METTL15: variants seen among roughly 807,000 people sequenced by gnomAD.
The protein encoded by METTL15 is methyltransferase 15, mitochondrial 12S rRNA N4-cytidine.
In METTL15, 34 loss-of-function variants were observed where a neutral mutation model predicts 38.3. The ratio of observed to expected loss-of-function variants is 0.89; its 90% CI spans 0.68 to 1.18. METTL15 has a LOEUF of 1.18. METTL15 is among the 50% of genes most tolerant of loss of function. METTL15 has a pLI of 0.00. For missense variants in METTL15, 438 were observed against 498.4 expected (o/e 0.88, Z 1.15); for synonymous variants, 162 against 170.9 (o/e 0.95, Z 0.41).
chr11:28,391,223 C>G (rs550063129), intron 5 of METTL15, among the ~76,000 whole-genome samples: 2 of 152,132 alleles, frequency 1.3e-5, no homozygotes, highest in South Asian at 2.1e-4. Flanking sequence ...CCCTTTATTT[C>G]CTTCTCCTGC....
intron 3 of METTL15, among the ~76,000 whole-genome samples, chr11:28,210,639 A>G (rs1415265420): frequency 1.3e-5 from 2 of 151,794 alleles, no homozygotes; most frequent in East Asian, 1.9e-4. Flanking sequence ...CTTGAGTATC[A>G]TTTTCATAGA....
At chr11:28,313,041 A>G (rs10767712) in intron 6 of METTL15, among the ~76,000 whole-genome samples, 69,611 of 150,572 alleles carry the variant, frequency 0.46, 17,627 homozygotes, top group Admixed American at 0.56. Context: ...TCTGTTTTCT[A>G]TTGTATCACT....
intron 6 of METTL15, among the ~76,000 whole-genome samples, chr11:28,479,089 GTGTGTGTT>G (rs1326960783): frequency 7.4e-6 from 1 of 134,632 alleles, no homozygotes; most frequent in Admixed American, 7.9e-5. Flanking sequence ...GTGTGTGTGT[GTGTGTGTT>G]TGCTTTTGTA....
chr11:28,284,161 A>C (rs1335850056), intron 4 of METTL15, among the ~76,000 whole-genome samples: 1 of 152,190 alleles, frequency 6.6e-6, no homozygotes, highest in Non-Finnish European at 1.5e-5. Flanking sequence ...GTAGCATCAG[A>C]AAACTCTGTC....
chr11:28,523,506 T>A (rs1284196589), intron 6 of METTL15, among the ~76,000 whole-genome samples: 1 of 152,184 alleles, frequency 6.6e-6, no homozygotes, highest in East Asian at 1.9e-4. Flanking sequence ...AACACCAGCA[T>A]TGGACTATTA....
intron 4 of METTL15, among the ~76,000 whole-genome samples, chr11:28,286,285 C>T (rs1856259163): frequency 6.6e-6 from 1 of 152,088 alleles, no homozygotes; most frequent in African/African-American, 2.4e-5. Context: ...TAATTAAAGT[C>T]AGTTGATTGT....
At chr11:28,165,395 T>C (rs1210106863) in intron 3 of METTL15, among the ~76,000 whole-genome samples, 1 of 152,194 alleles carries the variant, frequency 6.6e-6, no homozygotes, top group Non-Finnish European at 1.5e-5. Context: ...TAAGGTGATA[T>C]CTCACTGTAA....
intron 3 of METTL15, among the ~76,000 whole-genome samples, chr11:28,349,214 A>G (rs1490907043): frequency 6.6e-6 from 1 of 152,108 alleles, no homozygotes; most frequent in Non-Finnish European, 1.5e-5. Flanking sequence ...ATAGTGAAAA[A>G]CCTGGTTCTC....
At chr11:28,120,561 T>G (rs750789843) in intron 3 of METTL15, among the ~76,000 whole-genome samples, 5 of 152,178 alleles carry the variant, frequency 3.3e-5, no homozygotes, top group Non-Finnish European at 7.3e-5. Flanking sequence ...CTGATTTTAG[T>G]ATTTGCAAAT....
At chr11:28,150,756 C>T (rs966855559) in intron 3 of METTL15, among the ~76,000 whole-genome samples, 2 of 151,708 alleles carry the variant, frequency 1.3e-5, no homozygotes, top group Non-Finnish European at 2.9e-5. Flanking sequence ...CCAAGAAAAT[C>T]ATTGCTGCCT....
At chr11:28,441,025 G>A (rs927270055) in intron 6 of METTL15, among the ~76,000 whole-genome samples, 2 of 151,176 alleles carry the variant, frequency 1.3e-5, no homozygotes, top group African/African-American at 4.9e-5. Flanking sequence ...GGCGGGGCAG[G>A]GGGCATTCTG....
At chr11:28,464,271 G>C (rs1201877314) in intron 6 of METTL15, among the ~76,000 whole-genome samples, 1 of 152,036 alleles carries the variant, frequency 6.6e-6, no homozygotes, top group African/African-American at 2.4e-5. Flanking sequence ...CATATGAATG[G>C]GAAGGCTTCC....
intron 6 of METTL15, among the ~76,000 whole-genome samples, chr11:28,310,926 G>C (rs35616556): frequency 0.072 from 7,211 of 100,032 alleles, 285 homozygotes; most frequent in Non-Finnish European, 0.1. Flanking sequence ...GGTGGTGGTG[G>C]TGGTGGTGGT....
intron 6 of METTL15, among the ~76,000 whole-genome samples, chr11:28,303,105 A>G (rs1432452711): frequency 2.0e-5 from 3 of 152,152 alleles, no homozygotes; most frequent in Non-Finnish European, 4.4e-5. Flanking sequence ...CTGGCTGCCC[A>G]TATTTTATAT....
At chr11:28,265,855 A>G (rs1670441319) in intron 4 of METTL15, among the ~76,000 whole-genome samples, 1 of 152,218 alleles carries the variant, frequency 6.6e-6, no homozygotes, top group African/African-American at 2.4e-5. Context: ...GTACATGTGC[A>G]CAACGTGCAG....
intron 3 of METTL15, among the ~76,000 whole-genome samples, chr11:28,126,463 A>C (rs1206441969): frequency 6.6e-6 from 1 of 152,018 alleles, no homozygotes; most frequent in Non-Finnish European, 1.5e-5. Flanking sequence ...AGAGCATTTG[A>C]TATGTAGAAG....
chr11:28,486,077 C>A (rs1216929201), intron 6 of METTL15, among the ~76,000 whole-genome samples: 1 of 152,102 alleles, frequency 6.6e-6, no homozygotes, highest in East Asian at 1.9e-4. Flanking sequence ...TGGGGAGACA[C>A]AATTTAGTCC....
intron 3 of METTL15, among the ~76,000 whole-genome samples, chr11:28,193,384 C>T (rs1035239162): frequency 1.3e-5 from 2 of 152,048 alleles, no homozygotes; most frequent in Non-Finnish European, 2.9e-5. Context: ...TCTTACATTG[C>T]CAGGGCAGGA....
intron 5 of METTL15, among the ~76,000 whole-genome samples, chr11:28,376,680 G>A (rs377604059): frequency 6.6e-6 from 1 of 151,706 alleles, no homozygotes; most frequent in East Asian, 1.9e-4. Context: ...ATAGTGTTAT[G>A]TGTGAATTTG....
Sources: allele counts gnomAD v4.1 joint callset (sites outside exome capture counted in the v4.1 genomes callset), GRCh38; gene constraint gnomAD v4.1.1; transcripts MANE v1.5; gene names NCBI Gene and HGNC (gene_info 2026-07-23, HGNC 2026-07-21).